Variants in PTPRM observed in about 807,000 individuals in gnomAD.
PTPRM encodes the protein protein tyrosine phosphatase receptor type M.
A neutral mutation model predicts 186.7 loss-of-function variants in PTPRM; 47 were observed. That is an observed-to-expected ratio of 0.25 (90% CI 0.20 to 0.32). The LOEUF (loss-of-function observed/expected upper bound fraction) is 0.32. PTPRM is among the 10% of genes least tolerant of loss of function. The pLI, the probability that PTPRM is intolerant of heterozygous loss-of-function variation, is 1.00. For missense variants in PTPRM, 1,494 were observed against 1,865.0 expected, an observed-to-expected ratio of 0.80 and a Z score of 3.66; for synonymous variants, 668 against 674.9, an observed-to-expected ratio of 0.99 and a Z score of 0.16.
chr18:8,364,233 AT>A (rs1378218353), intron 23 of PTPRM, among the ~76,000 whole-genome samples: 1 of 152,196 alleles, frequency 6.6e-6, no homozygotes, highest in African/African-American at 2.4e-5. Context: ...ACTTTAAAAA[AT>A]CTCATCTAAT....
chr18:7,681,946 C>A (rs1421962668), intron 1 of PTPRM, among the ~76,000 whole-genome samples: 1 of 152,202 alleles, frequency 6.6e-6, no homozygotes, highest in African/African-American at 2.4e-5. Flanking sequence ...CAGAGGCAAA[C>A]ACTCATGAGG....
intron 2 of PTPRM, among the ~76,000 whole-genome samples, chr18:7,838,240 G>A (rs2046151951): frequency 6.6e-6 from 1 of 152,168 alleles, no homozygotes; most frequent in Non-Finnish European, 1.5e-5. Flanking sequence ...AGGGGGAAAA[G>A]TCCTTTATGA....
At chr18:8,329,739 C>G (rs1293038925) in intron 22 of PTPRM, among the ~76,000 whole-genome samples, 3 of 152,078 alleles carry the variant, frequency 2.0e-5, no homozygotes, top group Non-Finnish European at 2.9e-5. Context: ...ATACCCAACT[C>G]TTACTAATTT....
At chr18:7,832,328 G>A (rs7244489) in intron 2 of PTPRM, among the ~76,000 whole-genome samples, 91,937 of 152,002 alleles carry the variant, frequency 0.6, 28,157 homozygotes, top group East Asian at 0.87. Flanking sequence ...TTTAACTGGG[G>A]CGAGATGATA....
At chr18:7,702,809 G>T (rs577617359) in intron 1 of PTPRM, among the ~76,000 whole-genome samples, 1 of 152,160 alleles carries the variant, frequency 6.6e-6, no homozygotes. Flanking sequence ...TTTGCTTCTA[G>T]GGTTTTTATG....
At chr18:7,767,489 A>G (rs1281859264) in intron 1 of PTPRM, among the ~76,000 whole-genome samples, 1 of 152,198 alleles carries the variant, frequency 6.6e-6, no homozygotes, top group Non-Finnish European at 1.5e-5. Context: ...AGTAGGATGT[A>G]GAATGGTCAC....
At chr18:7,887,024 T>A (rs2048822004) in intron 2 of PTPRM, among the ~76,000 whole-genome samples, 1 of 152,176 alleles carries the variant, frequency 6.6e-6, no homozygotes, top group Admixed American at 6.5e-5. Context: ...AATAAACACA[T>A]ATTAACATAT....
Position 8,376,604 on chromosome 18 carries a change from C to T in PTPRM, c.3462+7C>T. Reference sequence around the variant, plus strand: ...GAACATGGTGCAAACAGAGGTACTCCCGCTCATCACCTAGCCTGGGGCCTT... The same window carrying T: ...GAACATGGTGCAAACAGAGGTACTCTCGCTCATCACCTAGCCTGGGGCCTT... On this transcript the variant is annotated splice_region_variant and intron_variant, in intron 26 of 32. Transcript: ENST00000580170. The T allele has an allele frequency of 6.2e-7, 1 of 1,608,796 alleles. No homozygotes were observed. Among genetic ancestry groups the T allele is most frequent in the South Asian group, 1.1e-5 (1 of 90,736 alleles).
Position 7,696,775 on chromosome 18 carries a change from C to T in PTPRM, c.74-77374C>T, listed in dbSNP as rs181231500. Among the ~76,000 whole-genome samples, 619 of 152,320 alleles carry T rather than the reference C, an allele frequency of 4.1e-3. 12 individuals are homozygous for T. The highest frequency in any genetic ancestry group is 0.037 in the Admixed American group (561 of 15,298). On this transcript the variant is annotated intron_variant, in intron 1 of 32. Coordinates refer to ENST00000580170, the MANE Select transcript of PTPRM (RefSeq NM_001105244.2). The stretch of plus-strand genomic sequence containing the variant: ...ATACAACTCACGAACTATTTGTGCA[C>T]ATTTTTTTGTTAACACATCAAACTT...
chr18:7,593,703 A>T (rs1487223961), intron 1 of PTPRM, among the ~76,000 whole-genome samples: 1 of 152,132 alleles, frequency 6.6e-6, no homozygotes, highest in African/African-American at 2.4e-5. Flanking sequence ...CTGCTTGAGG[A>T]AATGGGCATT....
intron 7 of PTPRM, among the ~76,000 whole-genome samples, chr18:8,007,428 TTTACAAA>T (rs2084258410): frequency 6.6e-6 from 1 of 152,170 alleles, no homozygotes; most frequent in Non-Finnish European, 1.5e-5. Context: ...GCTAAAGCCC[TTTACAAA>T]TTACAAAGTG....
intron 2 of PTPRM, among the ~76,000 whole-genome samples, chr18:7,832,377 GTGATATTGAACACCTTTTCATA>G (rs780281511): frequency 6.6e-6 from 1 of 152,198 alleles, no homozygotes; most frequent in Non-Finnish European, 1.5e-5. Context: ...CTGATGACCA[GTGATATTGAACACCTTTTCATA>G]TGCCTGTTTG....
chr18:8,024,509 G>A (rs2085439313), intron 7 of PTPRM, among the ~76,000 whole-genome samples: 1 of 152,048 alleles, frequency 6.6e-6, no homozygotes, highest in East Asian at 1.9e-4. Context: ...GCTAATAACA[G>A]TGATGCCAGG....
At chr18:7,794,718 T>C (rs2043525794) in intron 2 of PTPRM, among the ~76,000 whole-genome samples, 1 of 152,220 alleles carries the variant, frequency 6.6e-6, no homozygotes, top group South Asian at 2.1e-4. Flanking sequence ...AGCGTAACTA[T>C]ATTACATTAT....
intron 5 of PTPRM, among the ~76,000 whole-genome samples, chr18:7,934,157 A>G (rs1443513086): frequency 6.6e-6 from 1 of 152,308 alleles, no homozygotes; most frequent in South Asian, 2.1e-4. Context: ...GCACAATGGC[A>G]ACACCTGTGT....
Position 8,126,013 on chromosome 18 carries a change from A to T in PTPRM, c.2167+11186A>T, listed in dbSNP as rs868405864. Among the ~76,000 whole-genome samples the T allele has an allele frequency of 4.3e-3, 96 of 22,350 alleles. 1 individual carries two copies. Among genetic ancestry groups the T allele is most frequent in the South Asian group, 0.014 (9 of 654 alleles). 14.7% of individuals were successfully genotyped at this position (22,350 alleles called of 152,430 possible). A position where few individuals can be genotyped will look rare whatever the true frequency, so the allele number is the denominator to read the frequency against. On this transcript the variant is annotated intron_variant, in intron 13 of 32. Transcript: ENST00000580170. ...TATATATATATATATATATATATAT[A>T]TATATATATATATATTTTAAATCAG...
At chr18:7,660,550 C>T (rs534087760) in intron 1 of PTPRM, among the ~76,000 whole-genome samples, 20 of 152,174 alleles carry the variant, frequency 1.3e-4, no homozygotes, top group African/African-American at 4.6e-4. Context: ...CCTCAGCCTC[C>T]GGGAGTCTGC....
intron 1 of PTPRM, among the ~76,000 whole-genome samples, chr18:7,657,427 C>T (rs76439981): frequency 0.04 from 6,056 of 152,326 alleles, 136 homozygotes; most frequent in East Asian, 0.097. Context: ...TAGACACACA[C>T]CTTGCCCGAG....
chr18:8,252,472 T>C lies in PTPRM; in HGVS notation c.2555-16T>C, dbSNP rs765415142. 6 of 1,535,926 alleles carry C rather than the reference T, an allele frequency of 3.9e-6. No individual in the cohort carries two copies. Among genetic ancestry groups the C allele is most frequent in the Non-Finnish European group, 5.4e-6 (6 of 1,108,964 alleles). ...TTTCTCCTCCTTTTTTCTCCTGATA[T>C]GTATCTTCTTAAAAGTGCCAATAAA... is the stretch of plus-strand genomic sequence containing the variant. On this transcript the variant is annotated splice_polypyrimidine_tract_variant and intron_variant, in intron 17 of 32. Transcript: ENST00000580170.
Sources: allele counts gnomAD v4.1 joint callset (sites outside exome capture counted in the v4.1 genomes callset), GRCh38; gene constraint gnomAD v4.1.1; transcripts MANE v1.5; gene names NCBI Gene and HGNC (gene_info 2026-07-23, HGNC 2026-07-21).